TENM1: variants seen among roughly 807,000 people sequenced by gnomAD.
TENM1 encodes the protein teneurin-1.
Under a neutral mutation model 174.8 loss-of-function variants are expected in TENM1, and 35 were observed. The observed-to-expected ratio is 0.20, with a 90% CI of 0.15 to 0.27. The LOEUF (loss-of-function observed/expected upper bound fraction) is 0.27, where lower values mean the gene tolerates loss of function less well. Ranked by LOEUF, TENM1 falls within the 10% of genes least tolerant of loss-of-function variation. The pLI, the probability that TENM1 is intolerant of heterozygous loss-of-function variation, is 1.00. For missense variants in TENM1, 1,633 were observed against 2,130.1 expected, an observed-to-expected ratio of 0.77 and a Z score of 4.59; for synonymous variants, 781 against 798.7, an observed-to-expected ratio of 0.98 and a Z score of 0.37.
chrX:124,881,607 A>T (rs866712928), intron 3 of TENM1, among the ~76,000 whole-genome samples: 1 of 109,962 alleles, frequency 9.1e-6, no homozygotes, highest in Middle Eastern at 4.7e-3. Context: ...GGGGTGCCTG[A>T]TTAGGTTGTT....
intron 22 of TENM1, among the ~76,000 whole-genome samples, chrX:124,469,352 C>T (rs1286036456): frequency 9.0e-6 from 1 of 111,688 alleles, no homozygotes; most frequent in Non-Finnish European, 1.9e-5. Flanking sequence ...ACTGTTTAAC[C>T]CATCTTGCGT....
At chrX:124,999,122 G>A in the TENM1 span, among the ~76,000 whole-genome samples, 5 of 110,974 alleles carry the variant, frequency 4.5e-5, no homozygotes, top group African/African-American at 9.8e-5. Flanking sequence ...TCTAGAGCAG[G>A]AGAAGCATCT....
intron 20 of TENM1, among the ~76,000 whole-genome samples, chrX:124,492,733 TC>T (rs2047098684): frequency 9.1e-6 from 1 of 110,444 alleles, no homozygotes; most frequent in Non-Finnish European, 1.9e-5. Context: ...AATTGCCTTT[TC>T]TCCTTGAACC....
the TENM1 span, among the ~76,000 whole-genome samples, chrX:125,114,983 A>T: frequency 2.7e-5 from 3 of 112,080 alleles, no homozygotes; most frequent in African/African-American, 9.7e-5. Flanking sequence ...TTGATGTGAA[A>T]ATCCTCAATA....
At chrX:125,058,649 T>C in the TENM1 span, among the ~76,000 whole-genome samples, 5 of 110,432 alleles carry the variant, frequency 4.5e-5, no homozygotes, top group Admixed American at 1.9e-4. Context: ...AAGATGTATA[T>C]ATGGGGATAC....
At chrX:124,818,661 A>G (rs2055961889) in intron 3 of TENM1, among the ~76,000 whole-genome samples, 1 of 111,695 alleles carries the variant, frequency 9.0e-6, no homozygotes, top group Non-Finnish European at 1.9e-5. Context: ...AAGGATAGTG[A>G]ACTAGGATTT....
chrX:124,463,279 T>G (rs971261920), intron 22 of TENM1, among the ~76,000 whole-genome samples: 1 of 112,062 alleles, frequency 8.9e-6, no homozygotes, highest in African/African-American at 3.2e-5. Flanking sequence ...ATTTCTTAAC[T>G]TATATACTAC....
chrX:124,615,490 T>G (rs1271410028), intron 11 of TENM1, among the ~76,000 whole-genome samples: 1 of 112,172 alleles, frequency 8.9e-6, no homozygotes, highest in Non-Finnish European at 1.9e-5. Flanking sequence ...GTACCAAATA[T>G]AATAACAATT....
the TENM1 span, among the ~76,000 whole-genome samples, chrX:125,124,333 G>A: frequency 2.7e-5 from 3 of 111,922 alleles, no homozygotes; most frequent in Non-Finnish European, 5.6e-5. Flanking sequence ...ATTTAGTGAC[G>A]TGCTTTTTGG....
intron 23 of TENM1, among the ~76,000 whole-genome samples, chrX:124,444,277 G>A (rs1211947575): frequency 1.8e-5 from 2 of 112,179 alleles, no homozygotes; most frequent in Non-Finnish European, 3.8e-5. Context: ...GAATTGAATA[G>A]AGACTAAGGC....
chrX:124,939,653 C>T (rs2058296818), intron 1 of TENM1, among the ~76,000 whole-genome samples: 1 of 111,651 alleles, frequency 9.0e-6, no homozygotes, highest in Middle Eastern at 4.6e-3. Flanking sequence ...CCTCATCTCA[C>T]ATTACCCTTC....
intron 22 of TENM1, among the ~76,000 whole-genome samples, chrX:124,471,548 A>ATATATAAT (rs1210387760): frequency 1.4e-5 from 1 of 72,748 alleles, no homozygotes; most frequent in Non-Finnish European, 2.3e-5. Flanking sequence ...GTAATATATT[A>ATATATAAT]TATATAATTA....
rs769000876 is a variant in TENM1 at position 124,676,185 on chromosome X, T to G, written c.1016-4350A>C. 7.3e-4 allele frequency among the ~76,000 whole-genome samples: 68 copies of G among 93,437 alleles called. 1 individual carries two copies. Among genetic ancestry groups the G allele is most frequent in the African/African-American group, 2.2e-3 (59 of 26,354 alleles). 81.1% of individuals were successfully genotyped at this position (93,437 alleles called of 115,157 possible). The stretch of plus-strand genomic sequence containing the variant: ...ATACCTCCAAATGAGCACTGCTGGT[T>G]GAAGTAGATGTAATATAAGCACTCT... On this transcript the variant is annotated intron_variant, in intron 5 of 31. Transcript: ENST00000422452.
At chrX:125,132,096 T>C in the TENM1 span, among the ~76,000 whole-genome samples, 5 of 112,117 alleles carry the variant, frequency 4.5e-5, no homozygotes, top group African/African-American at 1.6e-4. Context: ...TGCATGTGCA[T>C]GGCCTTGGAA....
At chrX:125,042,329 T>C in the TENM1 span, among the ~76,000 whole-genome samples, 41 of 111,183 alleles carry the variant, frequency 3.7e-4, no homozygotes, top group African/African-American at 1.2e-3. Context: ...TGAAGAGCTA[T>C]TTTTCCTTTT....
At chrX:124,731,904 A>G (rs2053573373) in intron 4 of TENM1, among the ~76,000 whole-genome samples, 1 of 111,874 alleles carries the variant, frequency 8.9e-6, no homozygotes, top group Non-Finnish European at 1.9e-5. Context: ...TAATAGATAA[A>G]TGTCACCAGT....
chrX:124,908,634 T>C (rs1420890464), intron 1 of TENM1, among the ~76,000 whole-genome samples: 2 of 111,154 alleles, frequency 1.8e-5, no homozygotes, highest in Non-Finnish European at 3.8e-5. Context: ...GCAATAAACA[T>C]ACGTGTGCAT....
the TENM1 span, among the ~76,000 whole-genome samples, chrX:125,177,476 T>C: frequency 8.9e-6 from 1 of 112,722 alleles, no homozygotes; most frequent in African/African-American, 3.2e-5. Flanking sequence ...TGGGATTATA[T>C]TGTCCCTTTG....
intron 14 of TENM1, among the ~76,000 whole-genome samples, chrX:124,551,529 CACACACACACACACACACACACACAT>C (rs1436547253): frequency 5.7e-5 from 3 of 52,292 alleles, no homozygotes; most frequent in South Asian, 8.1e-4. Flanking sequence ...CACACACACC[CACACACACACACACACACACACACAT>C]ACACACACAC....
Sources: allele counts gnomAD v4.1 joint callset (sites outside exome capture counted in the v4.1 genomes callset), GRCh38; gene constraint gnomAD v4.1.1; transcripts MANE v1.5; gene names NCBI Gene and HGNC (gene_info 2026-07-23, HGNC 2026-07-21).